PARD3B: variants seen among roughly 807,000 people sequenced by gnomAD.
The protein encoded by PARD3B is partitioning defective 3 homolog B.
In PARD3B, 103 loss-of-function variants were observed where a neutral mutation model predicts 130.2. The observed-to-expected ratio is 0.79, with a 90% CI of 0.67 to 0.93. PARD3B has a LOEUF of 0.93. PARD3B is among the 40% of genes least tolerant of loss of function. The pLI is 0.00. For missense variants in PARD3B, 1,609 were observed against 1,499.2 expected, an observed-to-expected ratio of 1.07 and a Z score of -1.21; for synonymous variants, 583 against 553.2, an observed-to-expected ratio of 1.05 and a Z score of -0.76.
intron 15 of PARD3B, among the ~76,000 whole-genome samples, chr2:205,238,835 CAA>C (rs71879579): frequency 1.9e-4 from 5 of 26,094 alleles, no homozygotes; most frequent in Non-Finnish European, 2.5e-4. Context: ...AACTCCGTTT[CAA>C]AAAAAAAAAA....
intron 20 of PARD3B, among the ~76,000 whole-genome samples, chr2:205,452,646 A>G (rs1488580512): frequency 6.6e-6 from 1 of 152,208 alleles, no homozygotes; most frequent in Non-Finnish European, 1.5e-5. Flanking sequence ...CATTAACTCT[A>G]CTTTCCTCCA....
chr2:205,399,490 G>A (rs987268321), intron 18 of PARD3B, among the ~76,000 whole-genome samples: 5 of 151,204 alleles, frequency 3.3e-5, no homozygotes, highest in Non-Finnish European at 7.4e-5. Context: ...GAGTAACTGG[G>A]ACTACAGGCA....
intron 21 of PARD3B, 60 bp from the exon 22 acceptor site, chr2:205,553,264 C>A: frequency 6.8e-7 from 1 of 1,478,152 alleles, no homozygotes; most frequent in Non-Finnish European, 9.4e-7. Flanking sequence ...TTTCGAGATG[C>A]ATTGTCAGTA....
intron 3 of PARD3B, among the ~76,000 whole-genome samples, chr2:204,966,084 A>G (rs1454074570): frequency 6.6e-6 from 1 of 152,222 alleles, no homozygotes; most frequent in Non-Finnish European, 1.5e-5. Flanking sequence ...CTCAAGCTAG[A>G]AGAACAGAGG....
chr2:204,869,853 T>A (rs763789388), intron 2 of PARD3B, among the ~76,000 whole-genome samples: 1 of 152,180 alleles, frequency 6.6e-6, no homozygotes, highest in South Asian at 2.1e-4. Flanking sequence ...ATGTGTCTGG[T>A]GTTTTTAATG....
intron 18 of PARD3B, among the ~76,000 whole-genome samples, chr2:205,310,719 C>T (rs1346938139): frequency 5.3e-4 from 44 of 82,610 alleles, no homozygotes; most frequent in African/African-American, 1.9e-3. Flanking sequence ...TTCTTTCTTT[C>T]TTTTTTTTTT....
intron 15 of PARD3B, among the ~76,000 whole-genome samples, chr2:205,217,786 A>G (rs1290806829): frequency 1.4e-5 from 2 of 146,524 alleles, no homozygotes; most frequent in African/African-American, 2.5e-5. Context: ...ATGTATATAT[A>G]TGTGTGCATG....
intron 18 of PARD3B, among the ~76,000 whole-genome samples, chr2:205,331,298 T>A (rs898049364): frequency 3.3e-4 from 46 of 141,404 alleles, no homozygotes; most frequent in African/African-American, 1.2e-3. Context: ...CACGTACACA[T>A]ACACACACAC....
chr2:205,253,428 G>A lies in PARD3B; in HGVS notation c.2185+7606G>A, dbSNP rs189165968. ...GGTCTTCTTGGCCTTGGCTGGGCTG[G>A]TGGATGGGAAGCCAGTATGGATCAC... On this transcript the variant is annotated intron_variant, in intron 16 of 22. Transcript: ENST00000406610. This position sits in a 1 kb window ranked among gnomAD's most constrained non-coding sequence, Gnocchi z 4.4. 3.5e-3 allele frequency: 1,980 copies of A among 565,448 alleles called. 21 individuals carry two copies. The highest frequency in any genetic ancestry group is 4.5e-3 in the Non-Finnish European group (1,255 of 280,024). The allele number at this position is 565,448 out of a possible 1,614,324, so 35.0% of individuals were successfully genotyped here. A position where few individuals can be genotyped will look rare whatever the true frequency, so the allele number is the denominator to read the frequency against.
chr2:204,839,903 AAG>A (rs1248231773), intron 2 of PARD3B, among the ~76,000 whole-genome samples: 1 of 152,172 alleles, frequency 6.6e-6, no homozygotes, highest in African/African-American at 2.4e-5. Context: ...TTTAATGTGT[AAG>A]AGACTTGTCC....
chr2:205,059,694 C>T (rs1472399124), intron 4 of PARD3B, among the ~76,000 whole-genome samples: 1 of 152,086 alleles, frequency 6.6e-6, no homozygotes, highest in African/African-American at 2.4e-5. Flanking sequence ...CGGCATCATG[C>T]CCAACAGCAG....
intron 2 of PARD3B, among the ~76,000 whole-genome samples, chr2:204,953,449 A>AGAGAGAGAGAGAGG (rs1559294874): frequency 1.5e-4 from 22 of 150,062 alleles, no homozygotes; most frequent in Middle Eastern, 3.5e-3. Flanking sequence ...AGAGAGAGAG[A>AGAGAGAGAGAGAGG]GAGAGAGAGA....
chr2:205,115,523 A>C (rs1267395199), intron 6 of PARD3B, among the ~76,000 whole-genome samples: 1 of 152,166 alleles, frequency 6.6e-6, no homozygotes, highest in Non-Finnish European at 1.5e-5. Context: ...GTTTTATTAT[A>C]AGTTCATGGT....
chr2:204,811,469 A>AGAAGTT (rs1374977538), intron 2 of PARD3B, among the ~76,000 whole-genome samples: 6 of 152,186 alleles, frequency 3.9e-5, no homozygotes, highest in African/African-American at 9.6e-5. Context: ...TGAAAGACAT[A>AGAAGTT]GAAGTTGACA....
At chr2:205,311,322 C>G (rs543752253) in intron 18 of PARD3B, among the ~76,000 whole-genome samples, 1 of 152,040 alleles carries the variant, frequency 6.6e-6, no homozygotes, top group African/African-American at 2.4e-5. Context: ...ACATCCTTGC[C>G]GACACTTATC....
intron 21 of PARD3B, among the ~76,000 whole-genome samples, chr2:205,503,315 G>A (rs1461057572): frequency 6.6e-6 from 1 of 152,124 alleles, no homozygotes; most frequent in Non-Finnish European, 1.5e-5. Flanking sequence ...TCTGCTGGAG[G>A]TGCATAGTTG....
rs1485202243 is a variant in PARD3B, at chr2:205,146,600, G to A, written c.1435-12122G>A. On this transcript the variant is annotated intron_variant, in intron 10 of 22. Transcript: ENST00000406610. The surrounding 1 kb of genome is among the most constrained non-coding windows in gnomAD (Gnocchi z 4.3). ...CGGGAGGCGGAGCTTGCAGTGAGCC[G>A]AGATAGCGCCACTGCACTCCAGCCT... Among the ~76,000 whole-genome samples the A allele has an allele frequency of 2.0e-5, 3 of 151,746 alleles. No individual in the cohort carries two copies. Among genetic ancestry groups the A allele is most frequent in the Non-Finnish European group, 2.9e-5 (2 of 67,950 alleles).
intron 19 of PARD3B, among the ~76,000 whole-genome samples, chr2:205,420,554 T>G (rs1257613726): frequency 1.3e-5 from 2 of 152,166 alleles, no homozygotes; most frequent in African/African-American, 4.8e-5. Context: ...AGGTCTACTC[T>G]GAAAAAGGCT....
intron 22 of PARD3B, among the ~76,000 whole-genome samples, chr2:205,602,391 A>G (rs2105761116): frequency 6.6e-6 from 1 of 152,360 alleles, no homozygotes; most frequent in South Asian, 2.1e-4. Flanking sequence ...CTAGCCTCAT[A>G]AAATTAGTTA....
Sources: gnomAD v4.1 joint callset for allele counts (sites outside exome capture counted in the v4.1 genomes callset) on GRCh38, gnomAD v4.1.1 for gene constraint, Gnocchi (gnomAD v3.1) non-coding constraint, MANE v1.5 for transcripts, NCBI Gene and HGNC (gene_info 2026-07-23, HGNC 2026-07-21) for gene names.